Variants in IPO11 observed in about 807,000 individuals in gnomAD.
IPO11 encodes importin 11, also known as importin-11.
IPO11 carries 66 observed loss-of-function variants against 143.2 expected under a neutral mutation model. The ratio of observed to expected loss-of-function variants is 0.46; its 90% CI spans 0.38 to 0.57. The LOEUF (loss-of-function observed/expected upper bound fraction) is 0.57. Among genes scored for constraint, IPO11 ranks in the 20% least tolerant of loss-of-function variants. The pLI is 0.00. For missense variants in IPO11, 1,026 were observed against 1,141.0 expected (o/e 0.90, Z 1.45); for synonymous variants, 385 against 377.8 (o/e 1.02, Z -0.22).
rs1236783116 is a variant in IPO11 at position 62,443,236 on chromosome 5, C to T, written c.239+153C>T. 43 of 477,712 alleles carry T rather than the reference C, an allele frequency of 9.0e-5. No homozygotes were observed. In the East Asian group the frequency reaches 1.4e-3, roughly 15 times the overall value. 29.6% of individuals were successfully genotyped at this position (477,712 alleles called of 1,614,324 possible). A position where few individuals can be genotyped will look rare whatever the true frequency, so the allele number is the denominator to read the frequency against. ...GCAATACAGAGACGATTAGCATGGT[C>T]TCTGTGCAAGGATGATGTGGAGATT... is the stretch of plus-strand genomic sequence containing the variant. On this transcript the variant is annotated intron_variant, in intron 3 of 29. Transcript: ENST00000325324.
intron 27 of IPO11, among the ~76,000 whole-genome samples, chr5:62,566,093 G>A (rs1743929218): frequency 6.6e-6 from 1 of 152,154 alleles, no homozygotes; most frequent in Admixed American, 6.5e-5. Flanking sequence ...AAACAAATGT[G>A]TGCATGTGTC....
chr5:62,542,684 T>C (rs1486217426), intron 24 of IPO11, among the ~76,000 whole-genome samples: 1 of 152,186 alleles, frequency 6.6e-6, no homozygotes, highest in Non-Finnish European at 1.5e-5. Flanking sequence ...GCAAATGGTG[T>C]AGAGCAAAGG....
chr5:62,526,345 G>A (rs1742369706), intron 21 of IPO11, 88 bp downstream of exon 21: 1 of 875,656 alleles, frequency 1.1e-6, no homozygotes, highest in Non-Finnish European at 1.8e-6. Flanking sequence ...CATGTAATAG[G>A]GCTTTAAAAA....
intron 28 of IPO11, among the ~76,000 whole-genome samples, chr5:62,594,022 T>G (rs1745126023): frequency 6.6e-6 from 1 of 152,220 alleles, no homozygotes; most frequent in Non-Finnish European, 1.5e-5. Flanking sequence ...TTCCTGTTTA[T>G]TTAAACAGTT....
intron 29 of IPO11, among the ~76,000 whole-genome samples, chr5:62,618,675 A>G (rs1034088062): frequency 6.6e-6 from 1 of 152,150 alleles, no homozygotes; most frequent in Non-Finnish European, 1.5e-5. Flanking sequence ...TTTTCAGGAC[A>G]GTTTTCCCAT....
chr5:62,610,514 A>G (rs1745889319), intron 29 of IPO11, among the ~76,000 whole-genome samples: 1 of 152,230 alleles, frequency 6.6e-6, no homozygotes, highest in Admixed American at 6.5e-5. Flanking sequence ...CACATATCAC[A>G]TATATTTGCA....
chr5:62,559,050 A>C (rs1743677321), intron 26 of IPO11, among the ~76,000 whole-genome samples: 1 of 152,216 alleles, frequency 6.6e-6, no homozygotes, highest in Non-Finnish European at 1.5e-5. Flanking sequence ...ATTGCTAGAA[A>C]ATTCTAGCGA....
At chr5:62,488,818 C>T (rs1035526693) in intron 13 of IPO11, among the ~76,000 whole-genome samples, 2 of 152,040 alleles carry the variant, frequency 1.3e-5, no homozygotes, top group African/African-American at 4.8e-5. Flanking sequence ...GCCTGGACAA[C>T]ATGGCAAAAA....
At chr5:62,463,853 T>G (rs1745465557) in intron 5 of IPO11, among the ~76,000 whole-genome samples, 1 of 151,274 alleles carries the variant, frequency 6.6e-6, no homozygotes, top group Non-Finnish European at 1.5e-5. Flanking sequence ...TGACAGAGTC[T>G]CGCTCTGTTA....
At chr5:62,439,090 C>T (rs1367394286) in intron 2 of IPO11, among the ~76,000 whole-genome samples, 1 of 150,630 alleles carries the variant, frequency 6.6e-6, no homozygotes. Flanking sequence ...TCTTGAGTAT[C>T]TTTACTCTCC....
intron 20 of IPO11, among the ~76,000 whole-genome samples, chr5:62,522,550 G>A (rs1245858498): frequency 6.6e-6 from 1 of 152,176 alleles, no homozygotes; most frequent in Admixed American, 6.5e-5. Flanking sequence ...CTCCCAAAGT[G>A]CTGGGATTAC....
intron 27 of IPO11, among the ~76,000 whole-genome samples, chr5:62,573,336 C>CT (rs542139762): frequency 1.0e-3 from 154 of 152,296 alleles, no homozygotes; most frequent in African/African-American, 3.6e-3. Context: ...TAGAAGCACT[C>CT]TATCAATAAA....
At chr5:62,507,376 A>G (rs1048276605) in intron 19 of IPO11, among the ~76,000 whole-genome samples, 3 of 152,202 alleles carry the variant, frequency 2.0e-5, no homozygotes, top group Admixed American at 2.0e-4. Flanking sequence ...CATTAATCAC[A>G]TTAATTCATT....
intron 24 of IPO11, among the ~76,000 whole-genome samples, chr5:62,539,620 A>G (rs1223747557): frequency 1.3e-5 from 2 of 152,208 alleles, no homozygotes; most frequent in Non-Finnish European, 2.9e-5. Context: ...TGGCTTGTTG[A>G]GACCCTGGAT....
At chr5:62,599,208 A>G (rs1361137870) in intron 28 of IPO11, among the ~76,000 whole-genome samples, 3 of 152,226 alleles carry the variant, frequency 2.0e-5, no homozygotes, top group Non-Finnish European at 2.9e-5. Context: ...AGAATCGCTG[A>G]TATTGGACAT....
At chr5:62,540,282 A>C (rs1400046340) in intron 24 of IPO11, among the ~76,000 whole-genome samples, 1 of 151,948 alleles carries the variant, frequency 6.6e-6, no homozygotes, top group Non-Finnish European at 1.5e-5. Context: ...CATTTTCCTC[A>C]GTTATTAGAT....
At chr5:62,572,984 C>G (rs1245687767) in intron 27 of IPO11, among the ~76,000 whole-genome samples, 1 of 152,110 alleles carries the variant, frequency 6.6e-6, no homozygotes, top group African/African-American at 2.4e-5. Context: ...AACCTCCTAT[C>G]GTAAATTATA....
At chr5:62,432,981 A>G (rs1744044796) in intron 1 of IPO11, among the ~76,000 whole-genome samples, 1 of 152,140 alleles carries the variant, frequency 6.6e-6, no homozygotes, top group Non-Finnish European at 1.5e-5. Context: ...CTGTGGAGTG[A>G]TACTTGGACA....
intron 2 of IPO11, among the ~76,000 whole-genome samples, chr5:62,439,064 A>G (rs1025719661): frequency 6.6e-6 from 1 of 151,802 alleles, no homozygotes; most frequent in African/African-American, 2.4e-5. Context: ...ATCTCAAAAA[A>G]AAAAAAAAAA....
Sources: allele counts gnomAD v4.1 joint callset (sites outside exome capture counted in the v4.1 genomes callset), GRCh38; gene constraint gnomAD v4.1.1; transcripts MANE v1.5; gene names NCBI Gene and HGNC (gene_info 2026-07-23, HGNC 2026-07-21).